The following MACROD2 variants were observed in gnomAD, a reference collection of about 807,000 sequenced individuals.
The protein encoded by MACROD2 is ADP-ribose glycohydrolase MACROD2.
In MACROD2, 36 loss-of-function variants were observed where a neutral mutation model predicts 70.4. The observed-to-expected ratio is 0.51, with a 90% CI of 0.39 to 0.68. The LOEUF (loss-of-function observed/expected upper bound fraction) is 0.68. Among genes scored for constraint, MACROD2 ranks in the 30% least tolerant of loss-of-function variants. MACROD2 has a pLI of 0.00. For synonymous variants in MACROD2, 172 were observed against 178.8 expected, an observed-to-expected ratio of 0.96 and a Z score of 0.30; for missense variants, 496 against 538.4, an observed-to-expected ratio of 0.92 and a Z score of 0.78.
intron 3 of MACROD2, among the ~76,000 whole-genome samples, chr20:14,345,664 A>G (rs953198472): frequency 4.6e-5 from 7 of 152,250 alleles, no homozygotes; most frequent in East Asian, 1.9e-4. Flanking sequence ...TCCTGACGTC[A>G]GGTGATCTGC....
Position 15,992,189 on chromosome 20 carries a change from T to G in MACROD2, c.1153+5031T>G, listed in dbSNP as rs2066567869. Among the ~76,000 whole-genome samples, 6 of 152,324 alleles carry G rather than the reference T, an allele frequency of 3.9e-5. No individual in the cohort carries two copies. In the South Asian group the frequency reaches 1.2e-3, roughly 32 times the overall value. ...ATTATACGTGTATAAAGTTCACATG[T>G]ATCTACCCAGTAAGAAAGTTATGCA... On this transcript the variant is annotated intron_variant, in intron 15 of 17. Transcript: ENST00000684519.
intron 9 of MACROD2, among the ~76,000 whole-genome samples, chr20:15,869,268 G>GAGAGAGATAGAT: frequency 7.2e-6 from 1 of 139,340 alleles, no homozygotes; most frequent in Admixed American, 7.2e-5. Flanking sequence ...GAGAGAGAGA[G>GAGAGAGATAGAT]CAATGCTGGG....
intron 5 of MACROD2, among the ~76,000 whole-genome samples, chr20:15,027,561 G>T (rs1405935410): frequency 1.3e-5 from 2 of 149,930 alleles, no homozygotes; most frequent in African/African-American, 2.4e-5. Flanking sequence ...TGGTGGTGGG[G>T]GGAAATAATA....
chr20:15,146,847 A>C (rs1237081274), intron 5 of MACROD2, among the ~76,000 whole-genome samples: 1 of 152,170 alleles, frequency 6.6e-6, no homozygotes, highest in African/African-American at 2.4e-5. Flanking sequence ...TTGAGAAGAC[A>C]AGCAAAAAGT....
At chr20:15,489,273 C>T (rs891134414) in intron 7 of MACROD2, among the ~76,000 whole-genome samples, 2 of 152,080 alleles carry the variant, frequency 1.3e-5, no homozygotes, top group Non-Finnish European at 2.9e-5. Context: ...ACAGAATTTC[C>T]CTTTTCCCTT....
At chr20:14,955,630 C>T (rs1262647272) in intron 5 of MACROD2, among the ~76,000 whole-genome samples, 1 of 152,148 alleles carries the variant, frequency 6.6e-6, no homozygotes, top group Admixed American at 6.5e-5. Context: ...TCCCCCACTA[C>T]TGCCCTGAAA....
At chr20:15,172,175 A>G (rs1475134103) in intron 5 of MACROD2, among the ~76,000 whole-genome samples, 1 of 152,114 alleles carries the variant, frequency 6.6e-6, no homozygotes, top group Non-Finnish European at 1.5e-5. Flanking sequence ...CATAGTTACC[A>G]GGGATCCCAA....
intron 3 of MACROD2, among the ~76,000 whole-genome samples, chr20:14,195,222 A>C (rs1601334846): frequency 6.6e-6 from 1 of 152,158 alleles, no homozygotes; most frequent in African/African-American, 2.4e-5. Context: ...ATATAAAAAG[A>C]AAGTTGTCAA....
chr20:14,003,146 G>T (rs1049569394), intron 2 of MACROD2, among the ~76,000 whole-genome samples: 11 of 152,174 alleles, frequency 7.2e-5, no homozygotes, highest in African/African-American at 2.7e-4. Context: ...TTATGAAATG[G>T]ACTTGAAACA....
At chr20:14,799,133 A>G (rs867983874) in intron 5 of MACROD2, among the ~76,000 whole-genome samples, 9 of 152,084 alleles carry the variant, frequency 5.9e-5, no homozygotes, top group African/African-American at 2.2e-4. Context: ...TTATAAAAAA[A>G]GTTATGAAAT....
intron 5 of MACROD2, among the ~76,000 whole-genome samples, chr20:14,713,502 A>G (rs961144790): frequency 1.3e-5 from 2 of 152,184 alleles, no homozygotes; most frequent in Non-Finnish European, 2.9e-5. Flanking sequence ...ACCACCTAAT[A>G]TATGTTACTC....
intron 8 of MACROD2, among the ~76,000 whole-genome samples, chr20:15,617,273 G>A (rs527316937): frequency 4.6e-5 from 7 of 152,160 alleles, no homozygotes; most frequent in African/African-American, 1.7e-4. Flanking sequence ...CAACAGACAT[G>A]ATTAGATCAT....
At chr20:15,842,663 T>C (rs2064184369) in intron 8 of MACROD2, among the ~76,000 whole-genome samples, 1 of 151,702 alleles carries the variant, frequency 6.6e-6, no homozygotes, top group Non-Finnish European at 1.5e-5. Context: ...GATGCTTGGA[T>C]TAGAAAGATG....
At chr20:15,183,085 C>A (rs2076511224) in intron 5 of MACROD2, among the ~76,000 whole-genome samples, 2 of 152,122 alleles carry the variant, frequency 1.3e-5, no homozygotes, top group African/African-American at 4.8e-5. Flanking sequence ...CATTTCTTGC[C>A]TTTATTAGCC....
intron 3 of MACROD2, among the ~76,000 whole-genome samples, chr20:14,383,796 G>A (rs184545292): frequency 2.0e-5 from 3 of 152,096 alleles, no homozygotes; most frequent in Admixed American, 2.0e-4. Context: ...GACTTAAAGA[G>A]GTAAAATGAG....
At chr20:15,639,224 C>A (rs1194078097) in intron 8 of MACROD2, among the ~76,000 whole-genome samples, 1 of 152,098 alleles carries the variant, frequency 6.6e-6, no homozygotes, top group Non-Finnish European at 1.5e-5. Context: ...AAGATCAAAT[C>A]TGATAGGGAT....
At chr20:14,304,167 A>G (rs2082500009) in intron 3 of MACROD2, among the ~76,000 whole-genome samples, 1 of 152,144 alleles carries the variant, frequency 6.6e-6, no homozygotes, top group African/African-American at 2.4e-5. Context: ...ATTATTTCTA[A>G]TAGAATTGAT....
chr20:15,986,438 T>G (rs2066484649), intron 13 of MACROD2, among the ~76,000 whole-genome samples: 1 of 152,210 alleles, frequency 6.6e-6, no homozygotes, highest in Non-Finnish European at 1.5e-5. Flanking sequence ...ATTTGAAAAT[T>G]TCCAGGTTGT....
intron 12 of MACROD2, among the ~76,000 whole-genome samples, chr20:15,946,598 G>A (rs959833082): frequency 6.6e-6 from 1 of 152,134 alleles, no homozygotes; most frequent in Non-Finnish European, 1.5e-5. Context: ...ATCTAACTCA[G>A]TAGAATGTAG....
Sources: allele counts gnomAD v4.1 joint callset (sites outside exome capture counted in the v4.1 genomes callset), GRCh38; gene constraint gnomAD v4.1.1; transcripts MANE v1.5; gene names NCBI Gene and HGNC (gene_info 2026-07-23, HGNC 2026-07-21).